Variants in SPEF2 observed in about 807,000 individuals in gnomAD.
SPEF2 encodes the protein sperm flagellar and cilia associated 2.
SPEF2 carries 187 observed loss-of-function variants against 224.6 expected under a neutral mutation model. The observed-to-expected ratio is 0.83, with a 90% CI of 0.74 to 0.94. SPEF2 has a LOEUF of 0.94. Among genes scored for constraint, SPEF2 ranks in the 40% least tolerant of loss-of-function variants. The pLI, the probability that SPEF2 is intolerant of heterozygous loss-of-function variation, is 0.00. For missense variants in SPEF2, 2,170 were observed against 2,135.6 expected (o/e 1.02, Z -0.32); for synonymous variants, 715 against 707.3 (o/e 1.01, Z -0.17).
At chr5:35,627,568 G>A (rs1053533778) in intron 1 of SPEF2, among the ~76,000 whole-genome samples, 5 of 152,110 alleles carry the variant, frequency 3.3e-5, no homozygotes, top group Non-Finnish European at 7.4e-5. Flanking sequence ...CTCAGAGGTT[G>A]TAGATTAGGC....
At chr5:35,626,101 G>A (rs752510090) in intron 1 of SPEF2, among the ~76,000 whole-genome samples, 13 of 152,088 alleles carry the variant, frequency 8.5e-5, no homozygotes, top group African/African-American at 2.4e-4. Flanking sequence ...TGTTCCAGGC[G>A]GTACAATAGA....
At chr5:35,773,519 T>G (rs1753166961) in intron 27 of SPEF2, among the ~76,000 whole-genome samples, 1 of 152,342 alleles carries the variant, frequency 6.6e-6, no homozygotes, top group African/African-American at 2.4e-5. Context: ...TTATCCCTTA[T>G]GGAGTGGTAA....
intron 2 of SPEF2, among the ~76,000 whole-genome samples, chr5:35,631,950 G>A (rs455000): frequency 0.65 from 99,109 of 152,100 alleles, 33,287 homozygotes; most frequent in East Asian, 0.88. Flanking sequence ...ATACTATACT[G>A]TCTTATGTGA....
At chr5:35,762,684 A>G (rs2149756248) in intron 25 of SPEF2, among the ~76,000 whole-genome samples, 1 of 152,210 alleles carries the variant, frequency 6.6e-6, no homozygotes. Context: ...TCCTTCCCCA[A>G]GCTGATAGCC....
chr5:35,652,399 A>T (rs1402467509), intron 6 of SPEF2, among the ~76,000 whole-genome samples: 1 of 152,202 alleles, frequency 6.6e-6, no homozygotes, highest in Non-Finnish European at 1.5e-5. Flanking sequence ...TTGATGAAAG[A>T]TCTAAAAGTG....
At chr5:35,648,154 T>C (rs374741560) in intron 5 of SPEF2, among the ~76,000 whole-genome samples, 1 of 152,120 alleles carries the variant, frequency 6.6e-6, no homozygotes, top group Non-Finnish European at 1.5e-5. Flanking sequence ...ACCCAGAGAG[T>C]TGACATGTTT....
At chr5:35,785,199 T>C (rs1754925969) in intron 30 of SPEF2, among the ~76,000 whole-genome samples, 1 of 152,222 alleles carries the variant, frequency 6.6e-6, no homozygotes, top group African/African-American at 2.4e-5. Context: ...AAGAGGACTA[T>C]GGCCCCCACC....
At chr5:35,700,794 ACT>A (rs1223607597) in intron 16 of SPEF2, 42 bp downstream of exon 16, 1 of 1,593,916 alleles carries the variant, frequency 6.3e-7, no homozygotes, top group Admixed American at 1.7e-5. Flanking sequence ...TACAATGAAA[ACT>A]CTTTGTTCTT....
intron 23 of SPEF2, among the ~76,000 whole-genome samples, chr5:35,746,104 A>T (rs1748487616): frequency 6.6e-6 from 1 of 152,228 alleles, no homozygotes; most frequent in Non-Finnish European, 1.5e-5. Flanking sequence ...ACAGGAAGCC[A>T]CATCCATAGG....
intron 33 of SPEF2, among the ~76,000 whole-genome samples, chr5:35,798,522 T>TC (rs1756993024): frequency 6.6e-6 from 1 of 152,018 alleles, no homozygotes; most frequent in Admixed American, 6.6e-5. Flanking sequence ...TCTAGCCCCC[T>TC]CTCCACTCTT....
chr5:35,808,288 T>G (rs963644019), intron 36 of SPEF2: 5 of 495,246 alleles, frequency 1.0e-5, no homozygotes, highest in Non-Finnish European at 1.0e-5. Context: ...CTAGGGCACA[T>G]GTGCACAACG....
At chr5:35,734,483 T>C (rs1441668252) in intron 21 of SPEF2, among the ~76,000 whole-genome samples, 1 of 140,732 alleles carries the variant, frequency 7.1e-6, no homozygotes, top group Non-Finnish European at 1.6e-5. Context: ...AAACATCTCA[T>C]AATGTTTTAA....
At position 35,808,302 on chromosome 5, in the gene SPEF2, A is replaced by T. The variant is rs191639513; in HGVS notation, c.5379+1049A>T. The T allele has an allele frequency of 7.5e-3, 2,972 of 395,750 alleles. 21 individuals carry two copies. The highest frequency in any genetic ancestry group is 9.0e-3 in the Non-Finnish European group (2,638 of 291,668). The allele number at this position is 395,750 out of a possible 1,614,324, so 24.5% of individuals were successfully genotyped here. A position where few individuals can be genotyped will look rare whatever the true frequency, so the allele number is the denominator to read the frequency against. On this transcript the variant is annotated intron_variant, in intron 36 of 36. Coordinates refer to ENST00000356031, the MANE Select transcript of SPEF2 (RefSeq NM_024867.4). Reference sequence around the variant, plus strand: ...TCTAGGGCACATGTGCACAACGTGCAGGTTTGTTACATATGTATACATGTG... The same window carrying T: ...TCTAGGGCACATGTGCACAACGTGCTGGTTTGTTACATATGTATACATGTG...
intron 7 of SPEF2, among the ~76,000 whole-genome samples, chr5:35,655,602 A>C (rs1379234564): frequency 6.6e-6 from 1 of 152,162 alleles, no homozygotes; most frequent in Admixed American, 6.5e-5. Flanking sequence ...AAGAGTCAGG[A>C]GTTAGCTAAT....
intron 20 of SPEF2, among the ~76,000 whole-genome samples, chr5:35,713,307 G>A (rs66496382): frequency 0.75 from 114,280 of 152,002 alleles, 43,314 homozygotes; most frequent in Middle Eastern, 0.83. Context: ...TAAGAAAGGA[G>A]CCTTGGTACA....
chr5:35,687,946 A>G (rs956045649), intron 10 of SPEF2, among the ~76,000 whole-genome samples: 22 of 152,022 alleles, frequency 1.4e-4, no homozygotes, highest in African/African-American at 4.8e-4. Context: ...CAAGCAAAAA[A>G]ATTTGCAAGC....
At chr5:35,772,250 T>C (rs564417117) in intron 27 of SPEF2, among the ~76,000 whole-genome samples, 33 of 152,106 alleles carry the variant, frequency 2.2e-4, no homozygotes, top group Non-Finnish European at 4.3e-4. Context: ...TAGGAATGAA[T>C]AGCTTTGGCA....
chr5:35,665,913 G>C lies in SPEF2; in HGVS notation c.1168-1159G>C, dbSNP rs140003391. Among the ~76,000 whole-genome samples, 4 of 152,240 alleles carry C rather than the reference G, an allele frequency of 2.6e-5. No individual in the cohort carries two copies. In the East Asian group the frequency reaches 7.7e-4, roughly 29 times the overall value. The stretch of plus-strand genomic sequence containing the variant: ...TGAAATAAGCACACAAAATAAAACA[G>C]TAATAGCAAAACAAATGGTGGACCT... On this transcript the variant is annotated intron_variant, in intron 8 of 36. Coordinates refer to ENST00000356031, the MANE Select transcript of SPEF2 (RefSeq NM_024867.4).
chr5:35,710,633 C>T, intron 19 of SPEF2: 8 of 985,072 alleles, frequency 8.1e-6, no homozygotes, highest in African/African-American at 1.7e-5. Context: ...TATCGAATAT[C>T]GTCCTTTAAC....
Sources: gnomAD v4.1 joint callset for allele counts (sites outside exome capture counted in the v4.1 genomes callset) on GRCh38, gnomAD v4.1.1 for gene constraint, MANE v1.5 for transcripts, NCBI Gene and HGNC (gene_info 2026-07-23, HGNC 2026-07-21) for gene names.